JPH1: variants seen among roughly 807,000 people sequenced by gnomAD.
The protein encoded by JPH1 is junctophilin-1.
In JPH1, 12 loss-of-function variants were observed where a neutral mutation model predicts 53.6. The ratio of observed to expected loss-of-function variants is 0.22; its 90% CI spans 0.14 to 0.36. The LOEUF (loss-of-function observed/expected upper bound fraction) is 0.36. Ranked by LOEUF, JPH1 falls within the 10% of genes least tolerant of loss-of-function variation. The probability of loss-of-function intolerance (pLI) is 1.00; values close to 1 mark genes in which losing one functional copy is unlikely to be tolerated. For missense variants in JPH1, 808 were observed against 905.5 expected (o/e 0.89, Z 1.38); for synonymous variants, 375 against 363.8 (o/e 1.03, Z -0.35).
At chr8:74,276,514 C>T (rs1284294117) in intron 2 of JPH1, among the ~76,000 whole-genome samples, 2 of 152,208 alleles carry the variant, frequency 1.3e-5, no homozygotes, top group Non-Finnish European at 2.9e-5. Context: ...CTGGGATACA[C>T]TGACGATATT....
At chr8:74,304,155 T>C (rs146805102) in intron 2 of JPH1, among the ~76,000 whole-genome samples, 354 of 152,340 alleles carry the variant, frequency 2.3e-3, no homozygotes, top group African/African-American at 8.1e-3. Flanking sequence ...GTGCTGATAA[T>C]CCAATGGGTA....
In JPH1 at chr8:74,320,620, G is replaced by C. The variant is rs1176023101; in HGVS notation, c.379+289C>G. 6.6e-6 allele frequency among the ~76,000 whole-genome samples: 1 copy of C among 152,148 alleles called. No individual in the cohort carries two copies. The highest frequency in any genetic ancestry group is 1.5e-5 in the Non-Finnish European group (1 of 68,020). On this transcript the variant is annotated intron_variant, in intron 1 of 5. Coordinates refer to ENST00000342232, the MANE Select transcript of JPH1 (RefSeq NM_020647.4). This position sits in a 1 kb window ranked among gnomAD's most constrained non-coding sequence, Gnocchi z 4.4. ...CCCTCCCGGGCGGCGCTCCCTCCCG[G>C]TGGCAGCGCAGCGCTGGCGCCGGCC... is the stretch of plus-strand genomic sequence containing the variant.
Position 74,262,831 on chromosome 8 carries a change from TA to T in JPH1, c.1140-3329del, listed in dbSNP as rs372449177. On this transcript the variant is annotated intron_variant, in intron 2 of 5. Coordinates refer to ENST00000342232, the MANE Select transcript of JPH1 (RefSeq NM_020647.4). ...CAGCTATGGAACTCCCTCCTGGACA[TA>T]AGCTCTGCGGAGGTCAACTGTGACC... Among the ~76,000 whole-genome samples, 30 of 152,332 alleles carry T rather than the reference TA, an allele frequency of 2.0e-4. No homozygotes were observed. In the Middle Eastern group the frequency reaches 0.017, roughly 86 times the overall value.
chr8:74,321,056 C>T lies in JPH1; in HGVS notation c.232G>A (p.Gly78Ser), dbSNP rs1307344236. The T allele has an allele frequency of 4.3e-6, 7 of 1,613,544 alleles. No individual in the cohort carries two copies. Among genetic ancestry groups the T allele is most frequent in the Non-Finnish European group, 5.1e-6 (6 of 1,179,758 alleles). The change falls in exon 1 of 6, where the codon GGC becomes AGC. Residue 78 changes from glycine to serine, a missense_variant. Around this residue, in one of 2 missense-constraint regions of JPH1, gnomAD observed 756 missense variants for 811.9 expected, o/e 0.93. Transcript: ENST00000342232. The surrounding 1 kb of genome is among the most constrained non-coding windows in gnomAD (Gnocchi z 4.3). ...CACTCCCCCCGGTACATCCACTTGC[C>T]CTTCGTCTCCACCCCCAGCCCGTGC... ...KRHGLGVETK[G>S]KWMYRGEWSH... is the part of the protein sequence containing the mutation.
intron 2 of JPH1, among the ~76,000 whole-genome samples, chr8:74,303,644 C>T (rs541438432): frequency 1.6e-3 from 240 of 152,192 alleles, no homozygotes; most frequent in Non-Finnish European, 1.8e-3. Context: ...AATGCAGTGG[C>T]GTGATCATAG....
At chr8:74,302,446 T>C (rs1392459218) in intron 2 of JPH1, among the ~76,000 whole-genome samples, 1 of 152,236 alleles carries the variant, frequency 6.6e-6, no homozygotes, top group Non-Finnish European at 1.5e-5. Context: ...CTAGTAATTT[T>C]CCCTTTTGCA....
intron 2 of JPH1, among the ~76,000 whole-genome samples, chr8:74,298,875 A>G (rs1807593884): frequency 6.6e-6 from 1 of 152,232 alleles, no homozygotes; most frequent in African/African-American, 2.4e-5. Flanking sequence ...ACCTGTGTGC[A>G]TATGAAAGAT....
At chr8:74,309,184 T>C (rs1807920530) in intron 2 of JPH1, among the ~76,000 whole-genome samples, 1 of 152,166 alleles carries the variant, frequency 6.6e-6, no homozygotes, top group African/African-American at 2.4e-5. Flanking sequence ...CCTATCCCCA[T>C]CACTGACACT....
intron 2 of JPH1, among the ~76,000 whole-genome samples, chr8:74,278,144 T>C (rs963766256): frequency 2.6e-5 from 4 of 151,802 alleles, no homozygotes; most frequent in East Asian, 2.0e-4. Flanking sequence ...TGGGAGGTAA[T>C]TGAATCATGG....
rs909194534 is a variant in JPH1, at chr8:74,297,966, A to G, written c.1139+16895T>C. Among the ~76,000 whole-genome samples, 4 of 152,236 alleles carry G rather than the reference A, an allele frequency of 2.6e-5. No homozygotes were observed. The East Asian group carries it at 7.7e-4, about 29-fold the overall frequency. On this transcript the variant is annotated intron_variant, in intron 2 of 5. Transcript: ENST00000342232. ...AGCATTTTGTCTTAATAGTAGCACA[A>G]AAATAATTCTCTGCTTCTTTCCACA...
intron 4 of JPH1, 102 bp downstream of exon 4, chr8:74,244,427 T>A: frequency 7.8e-7 from 1 of 1,283,978 alleles, no homozygotes; most frequent in South Asian, 1.4e-5. Context: ...TTCTAGAACC[T>A]TGGTTAGCCT....
At chr8:74,270,371 G>A (rs1012876940) in intron 2 of JPH1, among the ~76,000 whole-genome samples, 8 of 152,098 alleles carry the variant, frequency 5.3e-5, no homozygotes, top group Admixed American at 1.3e-4. Context: ...TTCCTCATGG[G>A]AGTCTCAAAT....
intron 3 of JPH1, among the ~76,000 whole-genome samples, chr8:74,253,426 C>T (rs530932360): frequency 0.014 from 2,143 of 152,084 alleles, 80 homozygotes; most frequent in African/African-American, 0.049. Flanking sequence ...ACTAAATGCC[C>T]ACAAGAGAAA....
rs151259820 is a variant in JPH1 at position 74,314,801 on chromosome 8, T to C, written c.1139+60A>G. 246 of 1,564,506 alleles carry C rather than the reference T, an allele frequency of 1.6e-4. 1 individual carries two copies. The African/African-American group carries it at 2.8e-3, about 18-fold the overall frequency. On this transcript the variant is annotated intron_variant, in intron 2 of 5. Transcript: ENST00000342232. The stretch of plus-strand genomic sequence containing the variant: ...GTCACTGGCAGATAGACAAACATAA[T>C]ATTTGATACTCCATTGTTCTGACCA...
chr8:74,318,736 G>A (rs912393122), intron 1 of JPH1, among the ~76,000 whole-genome samples: 1 of 152,110 alleles, frequency 6.6e-6, no homozygotes, highest in African/African-American at 2.4e-5. Flanking sequence ...GTGGCGATGG[G>A]GAGAGTGCAA....
intron 4 of JPH1, among the ~76,000 whole-genome samples, chr8:74,240,458 T>G (rs1482395130): frequency 2.0e-5 from 3 of 152,174 alleles, no homozygotes; most frequent in Middle Eastern, 3.4e-3. Flanking sequence ...TCCATCTCCA[T>G]GAGTGTGATC....
intron 5 of JPH1, 86 bp downstream of exon 5, chr8:74,237,122 T>TCA: frequency 2.4e-6 from 2 of 841,822 alleles, no homozygotes; most frequent in Non-Finnish European, 3.9e-6. Flanking sequence ...GGACAATACG[T>TCA]CATTGTTAAA....
At chr8:74,290,069 T>C (rs947230472) in intron 2 of JPH1, among the ~76,000 whole-genome samples, 2 of 152,186 alleles carry the variant, frequency 1.3e-5, no homozygotes, top group Non-Finnish European at 2.9e-5. Context: ...ACTGGAAGCA[T>C]TCCCTCTGAA....
chr8:74,288,167 T>C (rs937128384), intron 2 of JPH1, among the ~76,000 whole-genome samples: 2 of 152,288 alleles, frequency 1.3e-5, no homozygotes, highest in South Asian at 4.1e-4. Flanking sequence ...CTGAATGCCA[T>C]GGAGAAGAGG....
Sources: gnomAD v4.1 joint callset for allele counts (sites outside exome capture counted in the v4.1 genomes callset) on GRCh38, gnomAD v4.1.1 for gene constraint, gnomAD v4.1.1 regional missense constraint, Gnocchi (gnomAD v3.1) non-coding constraint, MANE v1.5 for transcripts, NCBI Gene and HGNC (gene_info 2026-07-23, HGNC 2026-07-21) for gene names.